ADGRF5: variants seen among roughly 807,000 people sequenced by gnomAD.
ADGRF5 encodes adhesion G protein-coupled receptor F5.
In ADGRF5, 75 loss-of-function variants were observed where a neutral mutation model predicts 132.3. The observed-to-expected ratio is 0.57, with a 90% CI of 0.47 to 0.69. The LOEUF (loss-of-function observed/expected upper bound fraction) is 0.69, where lower values mean the gene tolerates loss of function less well. Ranked by LOEUF, ADGRF5 falls within the 30% of genes least tolerant of loss-of-function variation. The pLI, the probability that ADGRF5 is intolerant of heterozygous loss-of-function variation, is 0.00. For synonymous variants in ADGRF5, 629 were observed against 597.6 expected (o/e 1.05, Z -0.77); for missense variants, 1,516 against 1,630.6 (o/e 0.93, Z 1.21).
intron 1 of ADGRF5, among the ~76,000 whole-genome samples, chr6:46,931,791 A>G (rs1478766114): frequency 6.6e-6 from 1 of 152,202 alleles, no homozygotes; most frequent in Non-Finnish European, 1.5e-5. Flanking sequence ...AGAATGACTA[A>G]CATCTGTAAT....
intron 1 of ADGRF5, among the ~76,000 whole-genome samples, chr6:46,951,697 G>A (rs1387505024): frequency 6.6e-6 from 1 of 152,178 alleles, no homozygotes; most frequent in African/African-American, 2.4e-5. Context: ...AGCAGGGACT[G>A]CTTAATGGAG....
At position 46,852,933 on chromosome 6, in the gene ADGRF5, A is replaced by G. The variant is rs970127916; in HGVS notation, c.*1059T>C. ...GTGACAACAGCAATAATAATATACA[A>G]TGCTATAAGATTATTAAAATCTATT... is the stretch of plus-strand genomic sequence containing the variant. On this transcript the variant is annotated 3_prime_UTR_variant, in exon 21 of 21. Transcript: ENST00000283296. 1.3e-5 allele frequency: 2 copies of G among 152,630 alleles called. No homozygotes were observed. Among genetic ancestry groups the G allele is most frequent in the African/African-American group, 4.8e-5 (2 of 41,450 alleles). The allele number at this position is 152,630 out of a possible 1,614,324, so 9.5% of individuals were successfully genotyped here.
intron 6 of ADGRF5, 52 bp downstream of exon 6, chr6:46,883,507 A>C (rs1421638540): frequency 1.2e-6 from 1 of 854,936 alleles, no homozygotes; most frequent in Non-Finnish European, 2.0e-6. Context: ...CAATAGACTC[A>C]GTTCAGTCCA....
intron 9 of ADGRF5, 97 bp from the exon 10 acceptor site, chr6:46,878,502 AAGTATCATTT>A: frequency 4.0e-6 from 3 of 745,916 alleles, no homozygotes; most frequent in Non-Finnish European, 6.6e-6. Context: ...GTACTTCATG[AAGTATCATTT>A]TCAAAAGCAT....
At chr6:46,922,355 T>A (rs1459390263), upstream of ADGRF5, among the ~76,000 whole-genome samples, 2 of 152,170 alleles carry the variant, frequency 1.3e-5, no homozygotes, top group Non-Finnish European at 2.9e-5. Flanking sequence ...AGTTGCTTAG[T>A]CCTCCCCCGC....
chr6:46,859,110 A>G lies in ADGRF5; in HGVS notation c.2793T>C (p.Asn931=). 6.2e-7 allele frequency: 1 copy of G among 1,614,018 alleles called. No homozygotes were observed. Among genetic ancestry groups the G allele is most frequent in the Non-Finnish European group, 8.5e-7 (1 of 1,179,860 alleles). Residue 931 remains asparagine, a synonymous_variant, in exon 17 of 21, where the codon AAT becomes AAC. Transcript: ENST00000283296. ...TTGAAATCCTGAATGGCATAGTTGT[A>G]TTGTGGCTGACAGTGGTTGTCATCA... ...SLVMTTTVSH[N]TTMPFRISMT...
intron 10 of ADGRF5, among the ~76,000 whole-genome samples, chr6:46,873,310 T>C (rs1771292158): frequency 6.6e-6 from 1 of 152,118 alleles, no homozygotes; most frequent in East Asian, 1.9e-4. Context: ...CTTCCAATTT[T>C]TCACTCCCGT....
chr6:46,865,632 T>C (rs1226985101), intron 13 of ADGRF5, among the ~76,000 whole-genome samples: 2 of 152,238 alleles, frequency 1.3e-5, no homozygotes, highest in Non-Finnish European at 2.9e-5. Flanking sequence ...CTCAGCTCAG[T>C]ATCTGGTGCA....
At chr6:46,867,267 A>T in intron 12 of ADGRF5, 130 bp from the exon 13 acceptor site, 1 of 606,348 alleles carries the variant, frequency 1.6e-6, no homozygotes, top group Non-Finnish European at 2.9e-6. Flanking sequence ...AACTTCCTGG[A>T]CACTGGAGGA....
In ADGRF5 at chr6:46,853,337, TAAG is replaced by T. The variant is rs1562126888; in HGVS notation, c.*652_*654del. 1.3e-5 allele frequency: 2 copies of T among 152,118 alleles called. No individual in the cohort carries two copies. The highest frequency in any genetic ancestry group is 4.8e-5 in the African/African-American group (2 of 41,430). 9.4% of individuals were successfully genotyped at this position (152,118 alleles called of 1,614,324 possible). ...TCAGCCTTTTTTTCCTCCTCTTAGCTAAGAAGACATCAGGAAGATACTGCCCAA... is the reference window on the plus strand; with the variant it reads ...TCAGCCTTTTTTTCCTCCTCTTAGCTAAGACATCAGGAAGATACTGCCCAA... On this transcript the variant is annotated 3_prime_UTR_variant, in exon 21 of 21. Coordinates refer to ENST00000283296, the MANE Select transcript of ADGRF5 (RefSeq NM_001098518.2).
At chr6:46,911,765 A>G (rs1338200869) in intron 1 of ADGRF5, among the ~76,000 whole-genome samples, 1 of 152,228 alleles carries the variant, frequency 6.6e-6, no homozygotes, top group Non-Finnish European at 1.5e-5. Flanking sequence ...AACATTTATT[A>G]AGTCCTGTTA....
chr6:46,892,579 A>G (rs1299205631), intron 3 of ADGRF5, among the ~76,000 whole-genome samples: 1 of 151,972 alleles, frequency 6.6e-6, no homozygotes, highest in Non-Finnish European at 1.5e-5. Flanking sequence ...GTGAAACGCC[A>G]TCTCTACTAA....
chr6:46,947,991 T>A (rs376875491), intron 1 of ADGRF5, among the ~76,000 whole-genome samples: 1 of 152,272 alleles, frequency 6.6e-6, no homozygotes, highest in South Asian at 2.1e-4. Context: ...CCGGACAGGA[T>A]GTGTGTGGAC....
At chr6:46,894,479 A>G (rs1294316469) in intron 3 of ADGRF5, among the ~76,000 whole-genome samples, 1 of 152,188 alleles carries the variant, frequency 6.6e-6, no homozygotes, top group East Asian at 1.9e-4. Context: ...TACCCAAATC[A>G]TCAAAGTTAG....
At chr6:46,887,382 G>A (rs1483104451) in intron 4 of ADGRF5, among the ~76,000 whole-genome samples, 1 of 152,146 alleles carries the variant, frequency 6.6e-6, no homozygotes, top group East Asian at 1.9e-4. Context: ...TGGATAAACA[G>A]TGGGAAACAC....
chr6:46,933,505 G>T (rs994539540), intron 1 of ADGRF5, among the ~76,000 whole-genome samples: 1 of 152,142 alleles, frequency 6.6e-6, no homozygotes, highest in African/African-American at 2.4e-5. Flanking sequence ...TACCACAATG[G>T]CAAACCCAGA....
chr6:46,953,793 G>A (rs529595087), intron 1 of ADGRF5, among the ~76,000 whole-genome samples: 1 of 150,338 alleles, frequency 6.7e-6, no homozygotes, highest in East Asian at 2.0e-4. Flanking sequence ...AAATACATAA[G>A]TGGTAAGAAA....
chr6:46,949,488 G>C (rs1279080062), intron 1 of ADGRF5, among the ~76,000 whole-genome samples: 1 of 152,196 alleles, frequency 6.6e-6, no homozygotes, highest in East Asian at 1.9e-4. Flanking sequence ...AGCAGAAAAG[G>C]AAAGATGGGT....
chr6:46,942,868 G>T (rs1039859359), intron 1 of ADGRF5, among the ~76,000 whole-genome samples: 1 of 152,182 alleles, frequency 6.6e-6, no homozygotes, highest in African/African-American at 2.4e-5. Flanking sequence ...GTGTGTCTGC[G>T]TGTGTGCATG....
Sources: gnomAD v4.1 joint callset for allele counts (sites outside exome capture counted in the v4.1 genomes callset) on GRCh38, gnomAD v4.1.1 for gene constraint, MANE v1.5 for transcripts, NCBI Gene and HGNC (gene_info 2026-07-23, HGNC 2026-07-21) for gene names.